Variants in SLC44A5 observed in about 807,000 individuals in gnomAD.
The protein encoded by SLC44A5 is choline transporter-like protein 5.
SLC44A5 carries 57 observed loss-of-function variants against 101.8 expected under a neutral mutation model. The observed-to-expected ratio is 0.56, with a 90% CI of 0.45 to 0.70. SLC44A5 has a LOEUF of 0.70. Among genes scored for constraint, SLC44A5 ranks in the 30% least tolerant of loss-of-function variants. The pLI is 0.00. For synonymous variants in SLC44A5, 281 were observed against 290.9 expected (o/e 0.97, Z 0.35); for missense variants, 737 against 853.1 (o/e 0.86, Z 1.70).
At chr1:75,679,869 T>A in the SLC44A5 span, among the ~76,000 whole-genome samples, 1 of 152,024 alleles carries the variant, frequency 6.6e-6, no homozygotes, top group East Asian at 1.9e-4. Context: ...AGGAAACCCA[T>A]CTCACGTGCA....
At chr1:75,243,538 T>C (rs1435597510) in intron 7 of SLC44A5, among the ~76,000 whole-genome samples, 5 of 152,108 alleles carry the variant, frequency 3.3e-5, no homozygotes, top group South Asian at 2.1e-4. Flanking sequence ...TAAAACAAGA[T>C]ACCATACAGT....
At chr1:75,298,202 G>A (rs2100851816) in intron 5 of SLC44A5, among the ~76,000 whole-genome samples, 1 of 152,074 alleles carries the variant, frequency 6.6e-6, no homozygotes, top group Admixed American at 6.5e-5. Context: ...TTCCCCTCAT[G>A]CTTCTTTTAG....
At chr1:75,361,248 AT>A (rs1411143119) in intron 3 of SLC44A5, among the ~76,000 whole-genome samples, 1 of 152,112 alleles carries the variant, frequency 6.6e-6, no homozygotes, top group African/African-American at 2.4e-5. Context: ...AGATCATGTC[AT>A]TAGCAAGCAG....
At chr1:75,376,084 C>A (rs924769615) in intron 3 of SLC44A5, among the ~76,000 whole-genome samples, 1 of 152,206 alleles carries the variant, frequency 6.6e-6, no homozygotes, top group Non-Finnish European at 1.5e-5. Context: ...ACGGACGCAC[C>A]TGGAAAATTG....
At chr1:75,415,512 T>A (rs1234097472) in intron 2 of SLC44A5, among the ~76,000 whole-genome samples, 1 of 152,204 alleles carries the variant, frequency 6.6e-6, no homozygotes, top group African/African-American at 2.4e-5. Flanking sequence ...GAAAACAGAC[T>A]AATACAGTAA....
At chr1:75,578,095 T>C (rs1673475362) in intron 1 of SLC44A5, among the ~76,000 whole-genome samples, 1 of 152,152 alleles carries the variant, frequency 6.6e-6, no homozygotes, top group South Asian at 2.1e-4. Flanking sequence ...TAGTTTTTAA[T>C]AGCTTTTAAA....
At chr1:75,402,396 C>A in intron 2 of SLC44A5, 3 of 374,228 alleles carry the variant, frequency 8.0e-6, no homozygotes, top group Non-Finnish European at 1.7e-5. Flanking sequence ...AGGTGGCTGG[C>A]AAGATGGCCA....
At chr1:75,557,081 G>T (rs956822620) in intron 1 of SLC44A5, among the ~76,000 whole-genome samples, 1 of 152,114 alleles carries the variant, frequency 6.6e-6, no homozygotes, top group Admixed American at 6.6e-5. Flanking sequence ...AGATGGCTAG[G>T]AAGAAGGTGA....
At chr1:75,558,822 C>T (rs938198322) in intron 1 of SLC44A5, among the ~76,000 whole-genome samples, 2 of 152,082 alleles carry the variant, frequency 1.3e-5, no homozygotes, top group African/African-American at 4.8e-5. Flanking sequence ...CTTGGTCACA[C>T]ATTCTTTTCC....
At chr1:75,536,176 A>G (rs1218520535) in intron 2 of SLC44A5, among the ~76,000 whole-genome samples, 1 of 152,214 alleles carries the variant, frequency 6.6e-6, no homozygotes, top group Non-Finnish European at 1.5e-5. Context: ...TCAGCTCTGT[A>G]ACCTTGAGTG....
In SLC44A5 at chr1:75,211,035, T is replaced by C. The variant is rs78128796; in HGVS notation, c.2047+433A>G. On this transcript the variant is annotated intron_variant, in intron 23 of 23. Transcript: ENST00000370859. ...TATCTTTGTGTGTGTGTGGTGAGAATACTAACGAGCTTAGCAAATTTCAAG... is the reference window on the plus strand; with the variant it reads ...TATCTTTGTGTGTGTGTGGTGAGAACACTAACGAGCTTAGCAAATTTCAAG... Among the ~76,000 whole-genome samples, 120 of 152,296 alleles carry C rather than the reference T, an allele frequency of 7.9e-4. 1 individual carries two copies. The highest frequency in any genetic ancestry group is 2.9e-3 in the African/African-American group (119 of 41,574).
chr1:75,492,672 G>A (rs958095883), intron 2 of SLC44A5, among the ~76,000 whole-genome samples: 5 of 152,164 alleles, frequency 3.3e-5, no homozygotes, highest in Non-Finnish European at 5.9e-5. Flanking sequence ...TAAAGGCAAA[G>A]ATAAAGATAT....
At chr1:75,634,464 G>C in the SLC44A5 span, among the ~76,000 whole-genome samples, 60 of 151,520 alleles carry the variant, frequency 4.0e-4, no homozygotes, top group Middle Eastern at 3.4e-3. Flanking sequence ...CCAAAACAGA[G>C]ATATAGATCA....
intron 2 of SLC44A5, among the ~76,000 whole-genome samples, chr1:75,398,088 A>G (rs1662239059): frequency 6.6e-6 from 1 of 152,170 alleles, no homozygotes; most frequent in African/African-American, 2.4e-5. Context: ...TAAAATGAAT[A>G]AAATGTCAAG....
intron 6 of SLC44A5, among the ~76,000 whole-genome samples, chr1:75,269,320 T>A (rs1651264451): frequency 6.6e-6 from 1 of 152,088 alleles, no homozygotes; most frequent in South Asian, 2.1e-4. Flanking sequence ...TGTTGATACA[T>A]TTGGTCAGAT....
intron 4 of SLC44A5, among the ~76,000 whole-genome samples, chr1:75,320,659 T>G (rs1656072647): frequency 6.6e-6 from 1 of 152,204 alleles, no homozygotes; most frequent in South Asian, 2.1e-4. Context: ...GGGAGGATTA[T>G]TTTGAATGAC....
chr1:75,569,168 A>G (rs961758107), intron 1 of SLC44A5, among the ~76,000 whole-genome samples: 2 of 151,450 alleles, frequency 1.3e-5, no homozygotes, highest in Non-Finnish European at 2.9e-5. Context: ...CTCCTCCTGA[A>G]TTCATCCCTA....
At chr1:75,483,072 G>A (rs1215038493) in intron 2 of SLC44A5, among the ~76,000 whole-genome samples, 2 of 152,090 alleles carry the variant, frequency 1.3e-5, no homozygotes, top group East Asian at 3.9e-4. Context: ...TATTTGCTGA[G>A]CGTAACAATA....
chr1:75,708,784 A>C, the SLC44A5 span, among the ~76,000 whole-genome samples: 1 of 152,170 alleles, frequency 6.6e-6, no homozygotes, highest in Non-Finnish European at 1.5e-5. Context: ...GATTATAAAT[A>C]TATGTCTGTA....
Sources: allele counts gnomAD v4.1 joint callset (sites outside exome capture counted in the v4.1 genomes callset), GRCh38; gene constraint gnomAD v4.1.1; transcripts MANE v1.5; gene names NCBI Gene and HGNC (gene_info 2026-07-23, HGNC 2026-07-21).